GPC6: variants seen among roughly 807,000 people sequenced by gnomAD.
GPC6 encodes the protein glypican-6.
A neutral mutation model predicts 55.2 loss-of-function variants in GPC6; 14 were observed. The ratio of observed to expected loss-of-function variants is 0.25; its 90% CI spans 0.17 to 0.40. The LOEUF (loss-of-function observed/expected upper bound fraction) is 0.40. Among genes scored for constraint, GPC6 ranks in the 10% least tolerant of loss-of-function variants. The pLI, the probability that GPC6 is intolerant of heterozygous loss-of-function variation, is 1.00. For missense variants in GPC6, 641 were observed against 708.5 expected, an observed-to-expected ratio of 0.90 and a Z score of 1.08; for synonymous variants, 278 against 259.6, an observed-to-expected ratio of 1.07 and a Z score of -0.68.
intron 1 of GPC6, among the ~76,000 whole-genome samples, chr13:93,263,459 G>A (rs1877218928): frequency 6.6e-6 from 1 of 152,056 alleles, no homozygotes; most frequent in Non-Finnish European, 1.5e-5. Context: ...CTGCCTCGTG[G>A]GTTCAAGTGA....
intron 2 of GPC6, among the ~76,000 whole-genome samples, chr13:93,617,890 C>T (rs1477447218): frequency 6.6e-6 from 1 of 151,930 alleles, no homozygotes; most frequent in African/African-American, 2.4e-5. Flanking sequence ...TGTGTTATTC[C>T]TTACATATAC....
intron 4 of GPC6, among the ~76,000 whole-genome samples, chr13:94,096,119 T>G (rs542251045): frequency 6.6e-6 from 1 of 152,336 alleles, no homozygotes; most frequent in Admixed American, 6.5e-5. Context: ...ACAGAAAGAT[T>G]AGTTTTAATA....
At chr13:94,064,526 C>G (rs751281091) in intron 4 of GPC6, among the ~76,000 whole-genome samples, 3 of 152,094 alleles carry the variant, frequency 2.0e-5, no homozygotes, top group Non-Finnish European at 4.4e-5. Context: ...CAATATGTGT[C>G]TTAACAGGGA....
At chr13:93,328,403 G>A (rs1235495818) in intron 1 of GPC6, among the ~76,000 whole-genome samples, 2 of 152,094 alleles carry the variant, frequency 1.3e-5, no homozygotes, top group Admixed American at 1.3e-4. Flanking sequence ...GCTGGGTGCT[G>A]TGGCTCACTC....
chr13:93,619,051 A>G (rs1413407546), intron 2 of GPC6, among the ~76,000 whole-genome samples: 2 of 152,162 alleles, frequency 1.3e-5, no homozygotes, highest in Non-Finnish European at 2.9e-5. Context: ...TTGTGTATCT[A>G]AAGATCTCTA....
intron 3 of GPC6, among the ~76,000 whole-genome samples, chr13:93,876,265 A>G (rs889676626): frequency 1.3e-5 from 2 of 152,034 alleles, no homozygotes. Flanking sequence ...TAGGGAAGCC[A>G]TGATTTTGCA....
intron 3 of GPC6, among the ~76,000 whole-genome samples, chr13:93,949,773 G>T (rs1404955422): frequency 6.6e-6 from 1 of 152,038 alleles, no homozygotes; most frequent in East Asian, 1.9e-4. Flanking sequence ...TGTCAACCAG[G>T]CTGGAGAGCA....
chr13:94,147,601 G>A (rs1174839259), intron 4 of GPC6, among the ~76,000 whole-genome samples: 1 of 152,086 alleles, frequency 6.6e-6, no homozygotes, highest in Non-Finnish European at 1.5e-5. Flanking sequence ...CTTCCTTCTG[G>A]TTTAGTGTAA....
intron 2 of GPC6, among the ~76,000 whole-genome samples, chr13:93,781,873 T>C (rs1885662927): frequency 6.6e-6 from 1 of 152,226 alleles, no homozygotes. Context: ...TGATGTTTGA[T>C]ATATGTATAC....
At chr13:93,397,023 A>G (rs1198415688) in intron 1 of GPC6, among the ~76,000 whole-genome samples, 3 of 152,188 alleles carry the variant, frequency 2.0e-5, no homozygotes. Context: ...ATTTGCAATT[A>G]TCCTTCATCA....
intron 5 of GPC6, among the ~76,000 whole-genome samples, chr13:94,290,429 TAAA>T (rs532958421): frequency 2.0e-4 from 20 of 99,020 alleles, no homozygotes; most frequent in Non-Finnish European, 2.8e-4. Context: ...TCTAGAAAGG[TAAA>T]AAAAAAAAAA....
At chr13:94,202,283 C>A (rs1889776169) in intron 4 of GPC6, among the ~76,000 whole-genome samples, 1 of 152,146 alleles carries the variant, frequency 6.6e-6, no homozygotes, top group African/African-American at 2.4e-5. Flanking sequence ...TGTGTAAGTT[C>A]TCTAAGATGC....
intron 1 of GPC6, among the ~76,000 whole-genome samples, chr13:93,390,374 C>A (rs976797114): frequency 6.6e-6 from 1 of 152,058 alleles, no homozygotes; most frequent in African/African-American, 2.4e-5. Context: ...GAATGTCTAT[C>A]ACATTATGAC....
intron 2 of GPC6, among the ~76,000 whole-genome samples, chr13:93,810,026 C>CA (rs943801821): frequency 1.3e-5 from 2 of 152,066 alleles, no homozygotes; most frequent in African/African-American, 4.8e-5. Flanking sequence ...GACACCCATC[C>CA]AAAAAACTTT....
chr13:94,087,799 G>C (rs1885341726), intron 4 of GPC6, among the ~76,000 whole-genome samples: 1 of 152,182 alleles, frequency 6.6e-6, no homozygotes. Flanking sequence ...TCATCTTTGA[G>C]CTTAGCTTGC....
At chr13:93,585,680 A>G (rs745781487) in intron 2 of GPC6, among the ~76,000 whole-genome samples, 11 of 152,174 alleles carry the variant, frequency 7.2e-5, no homozygotes, top group Non-Finnish European at 1.3e-4. Context: ...ACCTTACAAG[A>G]CTTTTGAGGG....
At chr13:94,086,136 A>G (rs1168875591) in intron 4 of GPC6, among the ~76,000 whole-genome samples, 1 of 152,098 alleles carries the variant, frequency 6.6e-6, no homozygotes, top group Non-Finnish European at 1.5e-5. Flanking sequence ...AAATTGGTTT[A>G]TACATTTGAC....
chr13:93,664,382 AG>A (rs1254766647), intron 2 of GPC6, among the ~76,000 whole-genome samples: 1 of 152,200 alleles, frequency 6.6e-6, no homozygotes, highest in Non-Finnish European at 1.5e-5. Context: ...ACTTAAGAAA[AG>A]CACATATACA....
chr13:93,315,450 T>A (rs572696022), intron 1 of GPC6, among the ~76,000 whole-genome samples: 150 of 152,050 alleles, frequency 9.9e-4, no homozygotes, highest in South Asian at 2.5e-3. Context: ...ATTTTGCTTT[T>A]TAAATCAGTA....
Sources: allele counts gnomAD v4.1 joint callset (sites outside exome capture counted in the v4.1 genomes callset), GRCh38; gene constraint gnomAD v4.1.1; transcripts MANE v1.5; gene names NCBI Gene and HGNC (gene_info 2026-07-23, HGNC 2026-07-21).